Variants in CADM2 observed in about 807,000 individuals in gnomAD.
CADM2 encodes the protein immunoglobulin superfamily member 4D.
CADM2 carries 12 observed loss-of-function variants against 49.8 expected under a neutral mutation model. The observed-to-expected ratio is 0.24, with a 90% CI of 0.15 to 0.39. CADM2 has a LOEUF of 0.39. CADM2 is among the 10% of genes least tolerant of loss of function. The probability of loss-of-function intolerance (pLI) is 1.00; values close to 1 mark genes in which losing one functional copy is unlikely to be tolerated. For missense variants in CADM2, 378 were observed against 492.3 expected (o/e 0.77, Z 2.20); for synonymous variants, 214 against 175.4 (o/e 1.22, Z -1.74).
Position 85,062,224 on chromosome 3 carries a change from G to A in CADM2, c.61+102556G>A, listed in dbSNP as rs75537216. Among the ~76,000 whole-genome samples, 584 of 152,034 alleles carry A rather than the reference G, an allele frequency of 3.8e-3. 6 individuals carry two copies. Among genetic ancestry groups the A allele is most frequent in the African/African-American group, 0.013 (560 of 41,500 alleles). ...ATTTTTTCAAAGTAAAATAAATCTT[G>A]GGCAATCAACACTGTGCTTTACTAT... On this transcript the variant is annotated intron_variant, in intron 1 of 9. Coordinates refer to ENST00000383699, the MANE Select transcript of CADM2 (RefSeq NM_001167675.2).
chr3:86,013,495 G>T, intron 8 of CADM2: 3 of 1,603,524 alleles, frequency 1.9e-6, no homozygotes, highest in Non-Finnish European at 2.6e-6. Flanking sequence ...CTGAGAAAGC[G>T]CTTTGAGACA....
chr3:85,676,286 T>C (rs2065884097), intron 1 of CADM2, among the ~76,000 whole-genome samples: 1 of 152,194 alleles, frequency 6.6e-6, no homozygotes, highest in Non-Finnish European at 1.5e-5. Flanking sequence ...TGATCTTTTT[T>C]GTCTATTTCC....
intron 1 of CADM2, among the ~76,000 whole-genome samples, chr3:85,176,317 T>C (rs186409024): frequency 6.6e-6 from 1 of 152,332 alleles, no homozygotes; most frequent in East Asian, 1.9e-4. Context: ...TATCTAGCTT[T>C]CTTTTGATAT....
chr3:85,697,788 C>T (rs1577108781), intron 1 of CADM2, among the ~76,000 whole-genome samples: 2 of 152,242 alleles, frequency 1.3e-5, no homozygotes, highest in East Asian at 1.9e-4. Flanking sequence ...TAGAATATAA[C>T]AGATTTATGT....
At chr3:85,034,718 A>G (rs2035133793) in intron 1 of CADM2, among the ~76,000 whole-genome samples, 1 of 151,468 alleles carries the variant, frequency 6.6e-6, no homozygotes, top group Admixed American at 6.6e-5. Flanking sequence ...CCAACAGTAT[A>G]CAAGGATTTC....
rs10663610 is a variant in CADM2, at chr3:86,066,332, C to CAAAAAAAAAAAAAAAAAAAAA, written c.1097-327_1097-307dup. Among the ~76,000 whole-genome samples the CAAAAAAAAAAAAAAAAAAAAA allele has an allele frequency of 3.6e-4, 11 of 30,362 alleles. 2 individuals carry two copies. The highest frequency in any genetic ancestry group is 1.5e-3 in the African/African-American group (7 of 4,676). 19.9% of individuals were successfully genotyped at this position (30,362 alleles called of 152,430 possible). A position where few individuals can be genotyped will look rare whatever the true frequency, so the allele number is the denominator to read the frequency against. On this transcript the variant is annotated intron_variant, in intron 9 of 9. Transcript: ENST00000383699. ...TGGGCGAGAGAGCGAGACTCCGTCT[C>CAAAAAAAAAAAAAAAAAAAAA]AAAAAAAAAAAAAAAAAAAAAAAAA...
intron 1 of CADM2, among the ~76,000 whole-genome samples, chr3:85,116,979 G>A (rs1446402928): frequency 1.3e-5 from 2 of 152,112 alleles, no homozygotes; most frequent in Admixed American, 6.6e-5. Context: ...GTGGATCATT[G>A]AGGTCAGGAG....
intron 1 of CADM2, among the ~76,000 whole-genome samples, chr3:85,288,026 A>T (rs1430045805): frequency 2.0e-5 from 3 of 152,040 alleles, no homozygotes; most frequent in African/African-American, 4.8e-5. Context: ...CAGCACACCA[A>T]CATGGCACAT....
intron 3 of CADM2, among the ~76,000 whole-genome samples, chr3:85,860,617 T>G (rs2075491884): frequency 6.6e-6 from 1 of 152,186 alleles, no homozygotes; most frequent in Non-Finnish European, 1.5e-5. Flanking sequence ...CACCATCTTC[T>G]TGTGTAGAGA....
chr3:85,122,852 T>C (rs548913572), intron 1 of CADM2, among the ~76,000 whole-genome samples: 3 of 152,204 alleles, frequency 2.0e-5, no homozygotes, highest in Non-Finnish European at 4.4e-5. Context: ...ATTGTATGGC[T>C]CTTATTCATT....
intron 5 of CADM2, among the ~76,000 whole-genome samples, chr3:85,898,122 G>A (rs142064112): frequency 9.4e-4 from 143 of 152,220 alleles, no homozygotes; most frequent in African/African-American, 3.3e-3. Flanking sequence ...GGTGTTAAAC[G>A]CAGTACCTCA....
At chr3:85,857,118 A>G (rs2075346583) in intron 3 of CADM2, among the ~76,000 whole-genome samples, 1 of 152,190 alleles carries the variant, frequency 6.6e-6, no homozygotes. Flanking sequence ...CACATTGCAC[A>G]AAAAGGGTGA....
chr3:85,543,044 C>G (rs2061580561), intron 1 of CADM2, among the ~76,000 whole-genome samples: 1 of 152,040 alleles, frequency 6.6e-6, no homozygotes, highest in Non-Finnish European at 1.5e-5. Context: ...GGTAGAAAAT[C>G]TAGAGAAATC....
chr3:85,621,433 T>C (rs1293021909), intron 1 of CADM2, among the ~76,000 whole-genome samples: 1 of 152,172 alleles, frequency 6.6e-6, no homozygotes, highest in Non-Finnish European at 1.5e-5. Context: ...TTATAAGTAT[T>C]CTATCTGCTA....
At chr3:85,935,323 C>T (rs1721073775) in intron 6 of CADM2, among the ~76,000 whole-genome samples, 1 of 152,072 alleles carries the variant, frequency 6.6e-6, no homozygotes, top group South Asian at 2.1e-4. Context: ...AGTAATTGAG[C>T]TTGAGTTCAT....
intron 1 of CADM2, among the ~76,000 whole-genome samples, chr3:85,506,823 T>C (rs2040375062): frequency 6.6e-6 from 1 of 152,184 alleles, no homozygotes; most frequent in Non-Finnish European, 1.5e-5. Flanking sequence ...ATTTTTGCAC[T>C]ACAATTCCTC....
At chr3:85,970,620 A>G (rs1047912272) in intron 8 of CADM2, among the ~76,000 whole-genome samples, 4 of 151,070 alleles carry the variant, frequency 2.6e-5, no homozygotes, top group African/African-American at 9.8e-5. Context: ...GTATTTCAAT[A>G]TAGAATATTG....
At chr3:84,967,983 C>T (rs1220753063) in intron 1 of CADM2, among the ~76,000 whole-genome samples, 2 of 152,030 alleles carry the variant, frequency 1.3e-5, no homozygotes, top group African/African-American at 2.4e-5. Context: ...ATATGCTAGG[C>T]TGAGTATTTC....
chr3:85,007,838 G>A (rs1279314244), intron 1 of CADM2, among the ~76,000 whole-genome samples: 1 of 152,084 alleles, frequency 6.6e-6, no homozygotes. Context: ...TTAATTTCGA[G>A]GGAGTGAGAT....
Sources: allele counts gnomAD v4.1 joint callset (sites outside exome capture counted in the v4.1 genomes callset), GRCh38; gene constraint gnomAD v4.1.1; transcripts MANE v1.5; gene names NCBI Gene and HGNC (gene_info 2026-07-23, HGNC 2026-07-21).